Variants in LINGO2 observed in about 807,000 individuals in gnomAD.
LINGO2 encodes the protein leucine rich repeat and Ig domain containing 2.
Under a neutral mutation model 30.6 loss-of-function variants are expected in LINGO2, and 14 were observed. The observed-to-expected ratio is 0.46, with a 90% CI of 0.30 to 0.72. The LOEUF is 0.72. Ranked by LOEUF, LINGO2 falls within the 30% of genes least tolerant of loss-of-function variation. The pLI is 0.07. For missense variants in LINGO2, 729 were observed against 751.7 expected (o/e 0.97, Z 0.35); for synonymous variants, 317 against 288.5 (o/e 1.10, Z -1.00).
chr9:28,863,022 C>A, the LINGO2 span, among the ~76,000 whole-genome samples: 1 of 152,112 alleles, frequency 6.6e-6, no homozygotes, highest in East Asian at 1.9e-4. Context: ...ACTATAGATA[C>A]TGTTTCCAGA....
intron 4 of LINGO2, among the ~76,000 whole-genome samples, chr9:28,032,460 A>AT (rs1823728472): frequency 6.6e-6 from 1 of 152,208 alleles, no homozygotes; most frequent in African/African-American, 2.4e-5. Flanking sequence ...CTCATGCCTT[A>AT]TGATTCCAGG....
chr9:28,683,342 C>T, the LINGO2 span, among the ~76,000 whole-genome samples: 8 of 152,026 alleles, frequency 5.3e-5, no homozygotes. Flanking sequence ...CTGTGAACTC[C>T]ATACCAATAT....
chr9:28,893,196 A>G, the LINGO2 span, among the ~76,000 whole-genome samples: 15 of 151,930 alleles, frequency 9.9e-5, no homozygotes, highest in Non-Finnish European at 1.9e-4. Context: ...GTTTCCATCT[A>G]GTATAATGAT....
At chr9:28,557,831 T>C (rs1353807634) in intron 1 of LINGO2, among the ~76,000 whole-genome samples, 3 of 151,298 alleles carry the variant, frequency 2.0e-5, no homozygotes, top group African/African-American at 7.3e-5. Flanking sequence ...AAATAATGAG[T>C]TCATGTCCTT....
intron 4 of LINGO2, among the ~76,000 whole-genome samples, chr9:28,190,301 A>G (rs987827265): frequency 6.6e-6 from 1 of 152,144 alleles, no homozygotes; most frequent in African/African-American, 2.4e-5. Flanking sequence ...GCTTGTGCAG[A>G]GTTGCACAGT....
chr9:28,483,761 T>C (rs1029128126), intron 1 of LINGO2, among the ~76,000 whole-genome samples: 3 of 152,084 alleles, frequency 2.0e-5, no homozygotes, highest in Non-Finnish European at 2.9e-5. Flanking sequence ...TTTTACAGTT[T>C]GATTCATTTC....
intron 4 of LINGO2, among the ~76,000 whole-genome samples, chr9:28,168,582 A>G (rs151185760): frequency 1.3e-5 from 2 of 152,342 alleles, no homozygotes; most frequent in East Asian, 3.9e-4. Context: ...TCAAAGGCAC[A>G]TACTTGGTTC....
At chr9:29,152,248 T>G in the LINGO2 span, among the ~76,000 whole-genome samples, 3 of 152,070 alleles carry the variant, frequency 2.0e-5, no homozygotes, top group Non-Finnish European at 4.4e-5. Context: ...GGAAAGCCAT[T>G]TAGCAACTTT....
intron 1 of LINGO2, among the ~76,000 whole-genome samples, chr9:28,660,196 A>G (rs1324720568): frequency 1.3e-5 from 2 of 152,168 alleles, no homozygotes; most frequent in Non-Finnish European, 2.9e-5. Context: ...TGACACTTTG[A>G]TGAGTTTATG....
In LINGO2 at chr9:28,119,097, C is replaced by T. The variant is rs117363109; in HGVS notation, c.-86-106692G>A. 1.8e-3 allele frequency among the ~76,000 whole-genome samples: 267 copies of T among 152,280 alleles called. 4 individuals are homozygous for T. The South Asian group carries it at 0.036, about 20-fold the overall frequency. ...TTTAAAAAAGAAGCTCACTACTTCT[C>T]TTAGACTGCTATAATGGAAGTGCAC... On this transcript the variant is annotated intron_variant, in intron 4 of 5. Coordinates refer to ENST00000379992, the Ensembl canonical transcript of LINGO2.
In LINGO2 at chr9:28,285,398, ATTTTTTTTTTTTTT is replaced by A. The variant is rs34034595; in HGVS notation, c.-87+9796_-87+9809del. On this transcript the variant is annotated intron_variant, in intron 4 of 5. Coordinates refer to ENST00000379992, the Ensembl canonical transcript of LINGO2. ...CTGAGAGGACACGTTGCCCAAGATC[ATTTTTTTTTTTTTT>A]TTTTTTTTTTTGAGACTGAGTCTCA... is the stretch of plus-strand genomic sequence containing the variant. 3.4e-4 allele frequency among the ~76,000 whole-genome samples: 26 copies of A among 76,168 alleles called. No homozygotes were observed. The Admixed American group carries it at 5.4e-3, about 16-fold the overall frequency. The allele number at this position is 76,168 out of a possible 152,430, so 50.0% of individuals were successfully genotyped here. A position where few individuals can be genotyped will look rare whatever the true frequency, so the allele number is the denominator to read the frequency against.
the LINGO2 span, among the ~76,000 whole-genome samples, chr9:29,047,051 A>AAAAAAAAAAAAAAAAAAC: frequency 5.8e-3 from 613 of 106,530 alleles, 80 homozygotes; most frequent in East Asian, 0.019. Context: ...AAAAAAAAAA[A>AAAAAAAAAAAAAAAAAAC]CCAAAAACAA....
chr9:28,059,360 C>G (rs762218224), intron 4 of LINGO2, among the ~76,000 whole-genome samples: 32 of 152,168 alleles, frequency 2.1e-4, no homozygotes, highest in East Asian at 1.2e-3. Context: ...GATGCCCCCC[C>G]ACCCCACCGG....
chr9:28,628,794 A>G (rs1444621328), intron 1 of LINGO2, among the ~76,000 whole-genome samples: 1 of 152,066 alleles, frequency 6.6e-6, no homozygotes, highest in African/African-American at 2.4e-5. Flanking sequence ...TAGCTTCCTC[A>G]GCAATGATGA....
the LINGO2 span, among the ~76,000 whole-genome samples, chr9:29,028,270 C>A: frequency 3.3e-5 from 5 of 151,980 alleles, no homozygotes; most frequent in Non-Finnish European, 5.9e-5. Flanking sequence ...TTAGAGGATT[C>A]TCATATAAAA....
At chr9:27,999,380 C>G (rs1331140990) in intron 5 of LINGO2, among the ~76,000 whole-genome samples, 1 of 151,252 alleles carries the variant, frequency 6.6e-6, no homozygotes, top group East Asian at 2.0e-4. Context: ...AGCTGGCCGA[C>G]GAACTGCAGA....
At chr9:28,585,166 A>G (rs190786618) in intron 1 of LINGO2, among the ~76,000 whole-genome samples, 2 of 152,176 alleles carry the variant, frequency 1.3e-5, no homozygotes, top group East Asian at 1.9e-4. Context: ...TATTATTTGT[A>G]TATCCCAGAC....
At chr9:27,962,520 A>G (rs1819897115) in intron 5 of LINGO2, among the ~76,000 whole-genome samples, 1 of 152,148 alleles carries the variant, frequency 6.6e-6, no homozygotes, top group African/African-American at 2.4e-5. Context: ...GCTGTAGGCA[A>G]GGTCCCTTTA....
intron 2 of LINGO2, among the ~76,000 whole-genome samples, chr9:28,390,033 A>AT (rs956009952): frequency 5.3e-5 from 8 of 151,258 alleles, no homozygotes; most frequent in South Asian, 2.1e-4. Flanking sequence ...ATAGTTACTT[A>AT]TTTTTTTTTA....
Sources: allele counts gnomAD v4.1 joint callset (sites outside exome capture counted in the v4.1 genomes callset), GRCh38; gene constraint gnomAD v4.1.1; transcripts MANE v1.5; gene names NCBI Gene and HGNC (gene_info 2026-07-23, HGNC 2026-07-21).